Variants in UBE2G2 observed in about 807,000 individuals in gnomAD.
UBE2G2 encodes the protein ubiquitin-conjugating enzyme E2 G2.
Under a neutral mutation model 23.0 loss-of-function variants are expected in UBE2G2, and 10 were observed. The ratio of observed to expected loss-of-function variants is 0.43; its 90% CI spans 0.27 to 0.74. The LOEUF (loss-of-function observed/expected upper bound fraction) is 0.74, where lower values mean the gene tolerates loss of function less well. UBE2G2 is among the 30% of genes least tolerant of loss of function. The probability of loss-of-function intolerance (pLI) is 0.19; values close to 1 mark genes in which losing one functional copy is unlikely to be tolerated. For synonymous variants in UBE2G2, 86 were observed against 81.3 expected (o/e 1.06, Z -0.31); for missense variants, 150 against 218.3 (o/e 0.69, Z 1.97).
At chr21:44,798,834 A>C (rs1471121406) in intron 1 of UBE2G2, among the ~76,000 whole-genome samples, 1 of 152,244 alleles carries the variant, frequency 6.6e-6, no homozygotes, top group Non-Finnish European at 1.5e-5. Flanking sequence ...GCCATCTAGA[A>C]TGATAAATCC....
chr21:44,787,995 T>G (rs782286281), intron 2 of UBE2G2, 30 bp from the exon 3 acceptor site: 3 of 1,611,040 alleles, frequency 1.9e-6, no homozygotes, highest in African/African-American at 2.7e-5. Context: ...TTCACAACAT[T>G]TTAACTTTGA....
chr21:44,782,771 T>C (rs966849796), intron 3 of UBE2G2, among the ~76,000 whole-genome samples: 1 of 152,150 alleles, frequency 6.6e-6, no homozygotes, highest in Non-Finnish European at 1.5e-5. Context: ...CCTAACTCCA[T>C]ACATGACACT....
rs150110363 is a variant in UBE2G2 at position 44,798,757 on chromosome 21, G to T, written c.43+2949C>A. ...CCCCTTAAAGTCATCCATGAGCATT[G>T]AAATCAACTTTTTCAAACGCCTGTT... On this transcript the variant is annotated intron_variant, in intron 1 of 5. Coordinates refer to ENST00000345496, the MANE Select transcript of UBE2G2 (RefSeq NM_003343.6). Among the ~76,000 whole-genome samples, 440 of 152,250 alleles carry T rather than the reference G, an allele frequency of 2.9e-3. 6 individuals carry two copies. The highest frequency in any genetic ancestry group is 0.01 in the African/African-American group (417 of 41,546).
intron 1 of UBE2G2, chr21:44,801,501 T>TG: frequency 9.3e-7 from 1 of 1,076,968 alleles, no homozygotes; most frequent in Non-Finnish European, 1.2e-6. Flanking sequence ...TTACTGATGC[T>TG]GGGAAGGCTT....
chr21:44,774,622 T>TTTCAGTGGTGAACG, intron 4 of UBE2G2: 1 of 415,822 alleles, frequency 2.4e-6, no homozygotes, highest in South Asian at 1.7e-5. Context: ...TCATCCATTG[T>TTTCAGTGGTGAACG]TTCAGTGGTG....
chr21:44,772,659 C>A lies in UBE2G2; in HGVS notation c.385+888G>T, dbSNP rs1417996045. 1.3e-5 allele frequency among the ~76,000 whole-genome samples: 2 copies of A among 152,116 alleles called. No individual in the cohort carries two copies. The highest frequency in any genetic ancestry group is 2.9e-5 in the Non-Finnish European group (2 of 68,022). On this transcript the variant is annotated intron_variant, in intron 5 of 5. Transcript: ENST00000345496. The surrounding 1 kb of genome is among the most constrained non-coding windows in gnomAD (Gnocchi z 5.4). ...GTCCCACACACCTCAAACTATTCCC[C>A]AAATCCTGCTGTCTCCTGAACCCAG...
intron 1 of UBE2G2, among the ~76,000 whole-genome samples, chr21:44,793,826 T>C (rs1488993976): frequency 6.6e-6 from 1 of 152,154 alleles, no homozygotes; most frequent in Admixed American, 6.5e-5. Context: ...AGATAAAAAA[T>C]GTATACACAG....
At chr21:44,787,893 A>C in intron 3 of UBE2G2, 27 bp downstream of exon 3, 1 of 1,611,280 alleles carries the variant, frequency 6.2e-7, no homozygotes, top group Non-Finnish European at 8.5e-7. Flanking sequence ...AAAGCCCTAA[A>C]AACTAGTACA....
chr21:44,798,244 CA>C (rs1373189601), intron 1 of UBE2G2, among the ~76,000 whole-genome samples: 12 of 152,248 alleles, frequency 7.9e-5, no homozygotes, highest in Non-Finnish European at 1.6e-4. Context: ...GAGCCTTCAG[CA>C]GGTCATAATC....
chr21:44,773,724 TGGTGCCCGAGGCA>T (rs2082891685), intron 4 of UBE2G2, 37 bp from the exon 5 acceptor site: 1 of 1,603,676 alleles, frequency 6.2e-7, no homozygotes. Context: ...AGCCCAGGAA[TGGTGCCCGAGGCA>T]TCGCCGCGCT....
At position 44,771,382 on chromosome 21, in the gene UBE2G2, G is replaced by A; in HGVS notation, c.493C>T (p.Leu165=). 2 of 1,612,660 alleles carry A rather than the reference G, an allele frequency of 1.2e-6. No individual in the cohort carries two copies. Among genetic ancestry groups the A allele is most frequent in the Admixed American group, 1.7e-5 (1 of 60,016 alleles). Residue 165 remains leucine (L), a synonymous_variant, in exon 6 of 6, where the codon CTG becomes TTG. Coordinates refer to ENST00000345496, the MANE Select transcript of UBE2G2 (RefSeq NM_003343.6). This position sits in a 1 kb window ranked among gnomAD's most constrained non-coding sequence, Gnocchi z 4.6. ...AKQIVQKSLG[L] is the part of the protein sequence containing the mutation. ...CGCCTGTGCGAGGCCAGGTCTCACAGTCCCAGAGACTTCTGGACGATCTGC... is the reference window on the plus strand; with the variant it reads ...CGCCTGTGCGAGGCCAGGTCTCACAATCCCAGAGACTTCTGGACGATCTGC...
At position 44,771,948 on chromosome 21, in the gene UBE2G2, A is replaced by T. The variant is rs1254214333; in HGVS notation, c.386-459T>A. 6.6e-6 allele frequency among the ~76,000 whole-genome samples: 1 copy of T among 152,028 alleles called. No individual in the cohort carries two copies. Among genetic ancestry groups the T allele is most frequent in the African/African-American group, 2.4e-5 (1 of 41,394 alleles). On this transcript the variant is annotated intron_variant, in intron 5 of 5. Coordinates refer to ENST00000345496, the MANE Select transcript of UBE2G2 (RefSeq NM_003343.6). This position sits in a 1 kb window ranked among gnomAD's most constrained non-coding sequence, Gnocchi z 4.6. ...GCCCCTCACAGCTCCTACCAAGACAATCCCAAGCAAATGTGCAGCCTAAGG... is the reference window on the plus strand; with the variant it reads ...GCCCCTCACAGCTCCTACCAAGACATTCCCAAGCAAATGTGCAGCCTAAGG...
chr21:44,801,799 T>A lies in UBE2G2; in HGVS notation c.-51A>T. The A allele has an allele frequency of 1.3e-6, 2 of 1,495,140 alleles. No homozygotes were observed. The highest frequency in any genetic ancestry group is 1.8e-6 in the Non-Finnish European group (2 of 1,126,894). 92.6% of individuals were successfully genotyped at this position (1,495,140 alleles called of 1,614,324 possible). ...ACCTCGCCTCAGCCGCGCGCGTGCC[T>A]CCTGCCCCGACACCGGGGACTGCTT... On this transcript the variant is annotated 5_prime_UTR_variant, in exon 1 of 6. Transcript: ENST00000345496.
rs546093102 is a variant in UBE2G2 at position 44,772,221 on chromosome 21, A to C, written c.386-732T>G. 6.6e-6 allele frequency among the ~76,000 whole-genome samples: 1 copy of C among 152,216 alleles called. No homozygotes were observed. Among genetic ancestry groups the C allele is most frequent in the South Asian group, 2.1e-4 (1 of 4,824 alleles). ...GATGAGGATAAAACCCACAGCTGACATCTGAGGACAGCCTGAGCCACTGCC... is the reference window on the plus strand; with the variant it reads ...GATGAGGATAAAACCCACAGCTGACCTCTGAGGACAGCCTGAGCCACTGCC... On this transcript the variant is annotated intron_variant, in intron 5 of 5. Coordinates refer to ENST00000345496, the MANE Select transcript of UBE2G2 (RefSeq NM_003343.6). This position sits in a 1 kb window ranked among gnomAD's most constrained non-coding sequence, Gnocchi z 5.4.
At chr21:44,801,452 C>A (rs1318434619) in intron 1 of UBE2G2, 5 of 1,202,028 alleles carry the variant, frequency 4.2e-6, no homozygotes. Context: ...AAAGACTCAA[C>A]TGTGTGTGCT....
At chr21:44,780,910 C>G (rs2082951153) in intron 3 of UBE2G2, among the ~76,000 whole-genome samples, 1 of 152,200 alleles carries the variant, frequency 6.6e-6, no homozygotes, top group African/African-American at 2.4e-5. Flanking sequence ...ATAAGAGAAG[C>G]AGCAGGCAGG....
intron 3 of UBE2G2, among the ~76,000 whole-genome samples, chr21:44,782,349 C>G (rs782501258): frequency 9.9e-5 from 15 of 152,194 alleles, no homozygotes; most frequent in Non-Finnish European, 1.9e-4. Flanking sequence ...GATTAGAGCA[C>G]TCAGTACTGA....
intron 1 of UBE2G2, among the ~76,000 whole-genome samples, chr21:44,793,136 G>A (rs572506954): frequency 1.3e-5 from 2 of 152,282 alleles, no homozygotes; most frequent in Admixed American, 6.5e-5. Context: ...AAGCCAAACC[G>A]CCTAATTATA....
chr21:44,775,071 C>A, intron 4 of UBE2G2: 1 of 193,228 alleles, frequency 5.2e-6, no homozygotes. Context: ...TCTGGTCATG[C>A]CACTCCCTTG....
Sources: gnomAD v4.1 joint callset for allele counts (sites outside exome capture counted in the v4.1 genomes callset) on GRCh38, gnomAD v4.1.1 for gene constraint, Gnocchi (gnomAD v3.1) non-coding constraint, MANE v1.5 for transcripts, NCBI Gene and HGNC (gene_info 2026-07-23, HGNC 2026-07-21) for gene names.